PCDHA3: variants seen among roughly 807,000 people sequenced by gnomAD.
The protein encoded by PCDHA3 is protocadherin alpha-3.
PCDHA3 carries 41 observed loss-of-function variants against 62.2 expected under a neutral mutation model. That is an observed-to-expected ratio of 0.66 (90% confidence interval 0.51 to 0.86). The LOEUF (loss-of-function observed/expected upper bound fraction) is 0.86, where lower values mean the gene tolerates loss of function less well. Ranked by LOEUF, PCDHA3 falls within the 40% of genes least tolerant of loss-of-function variation. The probability of loss-of-function intolerance (pLI) is 0.00; values close to 1 mark genes in which losing one functional copy is unlikely to be tolerated. For synonymous variants in PCDHA3, 640 were observed against 555.4 expected (o/e 1.15, Z -2.14); for missense variants, 1,304 against 1,241.2 (o/e 1.05, Z -0.76).
chr5:140,905,396 C>T (rs913640299), intron 1 of PCDHA3, among the ~76,000 whole-genome samples: 1 of 152,080 alleles, frequency 6.6e-6, no homozygotes, highest in Non-Finnish European at 1.5e-5. Flanking sequence ...GGTCTGTGTG[C>T]CTATTTTTAT....
chr5:140,834,218 G>A (rs2150214230), intron 1 of PCDHA3: 2 of 668,586 alleles, frequency 3.0e-6, no homozygotes, highest in Non-Finnish European at 5.0e-6. Flanking sequence ...TTCGTAATCA[G>A]CAAAAGGAAG....
At chr5:140,845,850 G>C (rs2150381822) in intron 1 of PCDHA3, among the ~76,000 whole-genome samples, 1 of 149,860 alleles carries the variant, frequency 6.7e-6, no homozygotes, top group East Asian at 1.9e-4. Flanking sequence ...GAGAAAAGAA[G>C]TTAGTGATTG....
intron 1 of PCDHA3, chr5:140,835,300 G>A (rs2150233515): frequency 6.2e-7 from 1 of 1,612,674 alleles, no homozygotes; most frequent in Non-Finnish European, 8.5e-7. Flanking sequence ...ACAGTGATAG[G>A]ACATATGGAT....
At chr5:140,842,832 T>C in intron 1 of PCDHA3, 2 of 1,593,838 alleles carry the variant, frequency 1.3e-6, no homozygotes, top group East Asian at 2.2e-5. Flanking sequence ...GAGCGCTCGC[T>C]GTCGAGCTAC....
chr5:140,927,731 T>G lies in PCDHA3; in HGVS notation c.2395-51218T>G, dbSNP rs781789205. 19 of 1,614,078 alleles carry G rather than the reference T, an allele frequency of 1.2e-5. No individual in the cohort carries two copies. The highest frequency in any genetic ancestry group is 1.4e-5 in the Non-Finnish European group (17 of 1,180,038). ...CTAAGCAACAGCACGCAAGCAGAGC[T>G]GCGACACCGCTTTCACGTGCACCCT... On this transcript the variant is annotated intron_variant, in intron 1 of 3. Transcript: ENST00000522353.
chr5:140,850,213 C>G (rs2041430498), intron 1 of PCDHA3: 1 of 1,593,510 alleles, frequency 6.3e-7, no homozygotes, highest in Admixed American at 1.7e-5. Flanking sequence ...ATGAGGGGCA[C>G]TGACGGCGCA....
At chr5:140,814,360 C>T (rs1194896728) in intron 1 of PCDHA3, 2 of 151,764 alleles carry the variant, frequency 1.3e-5, no homozygotes, top group Non-Finnish European at 1.5e-5. Flanking sequence ...GTTACACATG[C>T]GATGCTATCA....
chr5:140,925,641 TATAATAATA>T (rs10569930), intron 1 of PCDHA3, among the ~76,000 whole-genome samples: 3,728 of 143,338 alleles, frequency 0.026, 107 homozygotes, highest in African/African-American at 0.059. Context: ...GAACTTAAAG[TATAATAATA>T]ATAATAATAA....
intron 1 of PCDHA3, chr5:140,929,052 C>G (rs1379551578): frequency 6.2e-7 from 1 of 1,614,058 alleles, no homozygotes; most frequent in African/African-American, 1.3e-5. Context: ...GCTGCTGTCG[C>G]TCTACAGAGG....
intron 1 of PCDHA3, among the ~76,000 whole-genome samples, chr5:140,888,038 T>C (rs1195921370): frequency 3.3e-5 from 5 of 152,238 alleles, no homozygotes; most frequent in Non-Finnish European, 7.3e-5. Context: ...TATTAGTACA[T>C]GTATAATAGA....
At chr5:140,847,326 T>C (rs1171959432) in intron 1 of PCDHA3, 3 of 149,816 alleles carry the variant, frequency 2.0e-5, no homozygotes, top group African/African-American at 7.3e-5. Flanking sequence ...GAAGCAATTG[T>C]TAAATGCACC....
rs188796483 is a variant in PCDHA3 at position 140,869,402 on chromosome 5, C to T, written c.2394+65811C>T. On this transcript the variant is annotated intron_variant, in intron 1 of 3. Transcript: ENST00000522353. The stretch of plus-strand genomic sequence containing the variant: ...CGCGAGGAGCTGTGCGGGCAGAGCG[C>T]GGAGTGCAGCATCCACCTGGAGGTG... 9.6e-4 allele frequency: 1,554 copies of T among 1,614,178 alleles called. 9 individuals are homozygous for T. The highest frequency in any genetic ancestry group is 2.2e-4 in the Non-Finnish European group (262 of 1,180,040).
At chr5:140,862,820 G>A (rs782106101) in intron 1 of PCDHA3, 2 of 574,854 alleles carry the variant, frequency 3.5e-6, no homozygotes, top group Non-Finnish European at 6.7e-6. Context: ...TTCTAGGTGA[G>A]AGCGCGCGAC....
At chr5:140,872,957 C>T (rs2054004795) in intron 1 of PCDHA3, among the ~76,000 whole-genome samples, 1 of 152,138 alleles carries the variant, frequency 6.6e-6, no homozygotes, top group African/African-American at 2.4e-5. Flanking sequence ...CACGTAGTAT[C>T]ATCCCATCTG....
chr5:140,943,888 T>A (rs567966075), intron 1 of PCDHA3, among the ~76,000 whole-genome samples: 1 of 152,330 alleles, frequency 6.6e-6, no homozygotes, highest in South Asian at 2.1e-4. Context: ...ATTGGACTGG[T>A]CATTATGATG....
rs1554203742 is a variant in PCDHA3 at position 140,926,854 on chromosome 5, G to A, written c.2395-52095G>A. 10 of 1,520,530 alleles carry A rather than the reference G, an allele frequency of 6.6e-6. No homozygotes were observed. In the South Asian group the frequency reaches 1.3e-4, roughly 20 times the overall value. The allele number at this position is 1,520,530 out of a possible 1,614,324, so 94.2% of individuals were successfully genotyped here. On this transcript the variant is annotated intron_variant, in intron 1 of 3. Transcript: ENST00000522353. Reference sequence around the variant, plus strand: ...GGAGCATGGTCCTGGGTCACCGTTGGTGTAGCGTGTTGGTGGAACGTGGAC... The same window carrying A: ...GGAGCATGGTCCTGGGTCACCGTTGATGTAGCGTGTTGGTGGAACGTGGAC...
intron 1 of PCDHA3, among the ~76,000 whole-genome samples, chr5:140,915,719 T>A (rs545655335): frequency 6.6e-6 from 1 of 151,956 alleles, no homozygotes; most frequent in African/African-American, 2.4e-5. Flanking sequence ...GCCCCCACTT[T>A]GGATTGTGCT....
chr5:140,841,573 G>C, intron 1 of PCDHA3: 1 of 1,614,016 alleles, frequency 6.2e-7, no homozygotes. Flanking sequence ...ATGGCATTTT[G>C]TTTGTGAATT....
intron 3 of PCDHA3, among the ~76,000 whole-genome samples, chr5:140,995,110 C>T (rs1047046754): frequency 4.6e-5 from 7 of 152,198 alleles, no homozygotes; most frequent in Non-Finnish European, 7.3e-5. Flanking sequence ...TTCCAAGACC[C>T]TCAGTGGATG....
Sources: allele counts gnomAD v4.1 joint callset (sites outside exome capture counted in the v4.1 genomes callset), GRCh38; gene constraint gnomAD v4.1.1; transcripts MANE v1.5; gene names NCBI Gene and HGNC (gene_info 2026-07-23, HGNC 2026-07-21).